Variants in TSPOAP1 observed in about 807,000 individuals in gnomAD.
The protein encoded by TSPOAP1 is peripheral-type benzodiazepine receptor-associated protein 1.
TSPOAP1 carries 87 observed loss-of-function variants against 197.0 expected under a neutral mutation model. The ratio of observed to expected loss-of-function variants is 0.44; its 90% confidence interval spans 0.37 to 0.53. The LOEUF is 0.53. Ranked by LOEUF, TSPOAP1 falls within the 20% of genes least tolerant of loss-of-function variation. The pLI is 0.00. For synonymous variants in TSPOAP1, 913 were observed against 998.9 expected (o/e 0.91, Z 1.62); for missense variants, 2,174 against 2,411.3 (o/e 0.90, Z 2.06).
Position 58,318,375 on chromosome 17 carries a change from C to T in TSPOAP1, c.1777G>A (p.Val593Ile), listed in dbSNP as rs1410696379. 1 of 1,614,132 alleles carries T rather than the reference C, an allele frequency of 6.2e-7. No individual in the cohort carries two copies. The highest frequency in any genetic ancestry group is 1.1e-5 in the South Asian group (1 of 91,086). The change falls in exon 14 of 32, where the codon GTC (valine) becomes ATC (isoleucine). Residue 593 changes from valine (V) to isoleucine (I), a missense_variant. Val to Ile is a conservative substitution (Grantham distance 29). This residue lies in a region of TSPOAP1 where 1,933 missense variants were observed against 2,139.0 expected (regional missense o/e 0.90). Transcript: ENST00000343736. ...SEPAPATLTG[V>I]PRRTAKKAES... The stretch of plus-strand genomic sequence containing the variant: ...GCCTTCTTGGCTGTCCTTCGAGGGA[C>T]CCCAGTGAGAGTGGCAGGGGCAGGC...
At chr17:58,307,317 G>A (rs1289746586) in intron 24 of TSPOAP1, 5 of 532,340 alleles carry the variant, frequency 9.4e-6, no homozygotes, top group Non-Finnish European at 1.7e-5. Context: ...CTATGTCTCA[G>A]GCAGTTTAAG....
In TSPOAP1 at chr17:58,310,711, C is replaced by T. The variant is rs1316545424; in HGVS notation, c.3500G>A (p.Arg1167Lys). The change falls in exon 20 of 32, where the codon AGG (arginine) becomes AAG (lysine). Residue 1167 changes from arginine (R) to lysine (K), a missense_variant. By Grantham distance (26) the Arg-to-Lys change is conservative (BLOSUM62 2). Transcript: ENST00000343736. ...ACCCAGGGTAGATGTGCTGGCTGTC[C>T]TCTCCTCTGAGGTGCCCAGCACTGC... ...GAAVLGTSEE[R>K]TASTSTLGEK... The T allele has an allele frequency of 6.2e-7, 1 of 1,612,972 alleles. No individual in the cohort carries two copies. The highest frequency in any genetic ancestry group is 8.5e-7 in the Non-Finnish European group (1 of 1,179,994).
rs1971419515 is a variant in TSPOAP1 at position 58,322,071 on chromosome 17, C to T, written c.1422+237G>A. ...GATGACCTCTAAAGTGGCTCCTCAC[C>T]CCATCCCAGTCACTTTGTCACATCA... On this transcript the variant is annotated intron_variant, in intron 10 of 31. Transcript: ENST00000343736. This position sits in a 1 kb window ranked among gnomAD's most constrained non-coding sequence, Gnocchi z 5.0. The T allele has an allele frequency of 1.9e-6, 1 of 538,802 alleles. No homozygotes were observed. The highest frequency in any genetic ancestry group is 3.3e-6 in the Non-Finnish European group (1 of 304,628). The allele number at this position is 538,802 out of a possible 1,614,324, so 33.4% of individuals were successfully genotyped here. A position where few individuals can be genotyped will look rare whatever the true frequency, so the allele number is the denominator to read the frequency against.
Position 58,326,006 on chromosome 17 carries a change from A to G in TSPOAP1, c.570+287T>C, listed in dbSNP as rs1389638737. 1.3e-5 allele frequency among the ~76,000 whole-genome samples: 2 copies of G among 152,170 alleles called. No individual in the cohort carries two copies. The highest frequency in any genetic ancestry group is 3.9e-4 in the East Asian group (2 of 5,192). The stretch of plus-strand genomic sequence containing the variant: ...CAGCTCTATACCCTGAGATGAGCTC[A>G]GCAGAAGGCTGCCGCCAGCACCAGC... On this transcript the variant is annotated intron_variant, in intron 3 of 31. Transcript: ENST00000343736. The surrounding 1 kb of genome is among the most constrained non-coding windows in gnomAD (Gnocchi z 4.7).
Position 58,305,336 on chromosome 17 carries a change from C to G in TSPOAP1, c.5433+51G>C, listed in dbSNP as rs377363761. ...AGGGTTCCTTGCCTATCCCCCTGTC[C>G]GAAGTCTGGGGGGCTGGGATATGGT... On this transcript the variant is annotated intron_variant, in intron 29 of 31. Coordinates refer to ENST00000343736, the MANE Select transcript of TSPOAP1 (RefSeq NM_004758.4). The G allele has an allele frequency of 1.2e-4, 192 of 1,598,130 alleles. 1 individual carries two copies. The South Asian group carries it at 2.1e-3, about 17-fold the overall frequency.
chr17:58,316,372 T>TA, intron 15 of TSPOAP1, 53 bp downstream of exon 15: 1 of 1,519,250 alleles, frequency 6.6e-7, no homozygotes, highest in Non-Finnish European at 9.0e-7. Flanking sequence ...GGCCCCCTCC[T>TA]ATACCCCAAA....
In TSPOAP1 at chr17:58,322,239, G is replaced by A. The variant is rs1377477866; in HGVS notation, c.1422+69C>T. 2.6e-5 allele frequency: 38 copies of A among 1,477,944 alleles called. No individual in the cohort carries two copies. The highest frequency in any genetic ancestry group is 3.3e-5 in the Non-Finnish European group (36 of 1,074,848). The allele number at this position is 1,477,944 out of a possible 1,614,324, so 91.6% of individuals were successfully genotyped here. A position where few individuals can be genotyped will look rare whatever the true frequency, so the allele number is the denominator to read the frequency against. ...GCACAGTGCCGGGCACACAGTAAAT[G>A]CTTGTGGAATGAGTGAGTGGCAAAG... On this transcript the variant is annotated intron_variant, in intron 10 of 31. Transcript: ENST00000343736. The surrounding 1 kb of genome is among the most constrained non-coding windows in gnomAD (Gnocchi z 5.0).
chr17:58,323,176 G>A, intron 7 of TSPOAP1, 122 bp downstream of exon 7: 1 of 1,467,316 alleles, frequency 6.8e-7, no homozygotes, highest in East Asian at 2.3e-5. Context: ...AAGGAAAGGA[G>A]CAGGAGGGAA....
chr17:58,318,134 A>G, intron 14 of TSPOAP1, 146 bp downstream of exon 14: 1 of 1,009,938 alleles, frequency 9.9e-7, no homozygotes, highest in Non-Finnish European at 1.4e-6. Context: ...CGCCCACAGG[A>G]GGAATCCACA....
chr17:58,318,531 TG>T, intron 13 of TSPOAP1, 79 bp from the exon 14 acceptor site: 2 of 1,416,606 alleles, frequency 1.4e-6, no homozygotes, highest in Non-Finnish European at 1.9e-6. Flanking sequence ...TTCTTGGATA[TG>T]GGGACCAGGC....
In TSPOAP1 at chr17:58,313,521, G is replaced by A. The variant is rs1299384712; in HGVS notation, c.2099-799C>T. 3.9e-5 allele frequency among the ~76,000 whole-genome samples: 6 copies of A among 151,962 alleles called. 1 individual carries two copies. Among genetic ancestry groups the A allele is most frequent in the African/African-American group, 1.5e-4 (6 of 41,358 alleles). Reference sequence around the variant, plus strand: ...AGCTACTCAGGAGCCTGAGGTGGAAGGATTGCTTGAGCCCGGGAGGCAGAA... The same window carrying A: ...AGCTACTCAGGAGCCTGAGGTGGAAAGATTGCTTGAGCCCGGGAGGCAGAA... On this transcript the variant is annotated intron_variant, in intron 16 of 31. Coordinates refer to ENST00000343736, the MANE Select transcript of TSPOAP1 (RefSeq NM_004758.4).
At chr17:58,302,658 G>A (rs1970749859) in intron 31 of TSPOAP1, 1 of 246,334 alleles carries the variant, frequency 4.1e-6, no homozygotes, top group Non-Finnish European at 7.9e-6. Flanking sequence ...ACTAAGCTGG[G>A]AGTCCCAGGG....
intron 3 of TSPOAP1, among the ~76,000 whole-genome samples, chr17:58,325,992 C>T (rs1014995867): frequency 2.0e-5 from 3 of 152,156 alleles, no homozygotes; most frequent in African/African-American, 7.2e-5. Context: ...AGCTCTATAC[C>T]CTGAGATGAG....
chr17:58,322,349 T>C lies in TSPOAP1; in HGVS notation c.1381A>G (p.Ser461Gly), dbSNP rs1208606115. Residue 461 changes from serine (S) to glycine (G), a missense_variant, in exon 10 of 32, where the codon AGC becomes GGC. Ser to Gly is a moderately conservative substitution (Grantham distance 56). Transcript: ENST00000343736. This position sits in a 1 kb window ranked among gnomAD's most constrained non-coding sequence, Gnocchi z 5.0. ...ACCTCCTCCTGCTTCTCCCGTAGGC[T>C]GAGCCGAGCCTGTTCATGCTCCACC... ...LEVEHEQARLSLREKQEEVRR... is the reference protein window; with the variant it reads ...LEVEHEQARLGLREKQEEVRR... The C allele has an allele frequency of 2.5e-6, 4 of 1,605,396 alleles. No individual in the cohort carries two copies. Among genetic ancestry groups the C allele is most frequent in the Non-Finnish European group, 3.4e-6 (4 of 1,179,958 alleles).
In TSPOAP1 at chr17:58,322,776, C is replaced by A; in HGVS notation, c.1195G>T (p.Val399Leu). 6.2e-7 allele frequency: 1 copy of A among 1,612,722 alleles called. No individual in the cohort carries two copies. Among genetic ancestry groups the A allele is most frequent in the Non-Finnish European group, 8.5e-7 (1 of 1,179,932 alleles). ...CTCAGCTCCGCATTCTCCCACTCCA[C>A]CTGGCGAGGGGGCAGTGACAGGGAG... ...LSGRATEKEQ[V>L]EWENAELRGQ... is the part of the protein sequence containing the mutation. The change falls in exon 9 of 32, where the codon GTG becomes TTG. Residue 399 changes from valine to leucine, a missense_variant and splice_region_variant. By Grantham distance (32) the Val-to-Leu change is conservative. Coordinates refer to ENST00000343736, the MANE Select transcript of TSPOAP1 (RefSeq NM_004758.4). This position sits in a 1 kb window ranked among gnomAD's most constrained non-coding sequence, Gnocchi z 5.0.
rs752107896 is a variant in TSPOAP1, at chr17:58,304,444, C to T, written c.5545-45G>A. ...AGAGGAGATGGGTTACCGACAGACC[C>T]GCACCTTCTCCGCCCGGCCACCAGG... On this transcript the variant is annotated intron_variant, in intron 30 of 31. Coordinates refer to ENST00000343736, the MANE Select transcript of TSPOAP1 (RefSeq NM_004758.4). The surrounding 1 kb of genome is among the most constrained non-coding windows in gnomAD (Gnocchi z 4.2). 1.7e-5 allele frequency: 27 copies of T among 1,549,276 alleles called. No homozygotes were observed. The highest frequency in any genetic ancestry group is 3.3e-5 in the South Asian group (3 of 89,730).
intron 24 of TSPOAP1, chr17:58,307,365 C>A: frequency 1.7e-6 from 1 of 571,720 alleles, no homozygotes; most frequent in South Asian, 2.3e-5. Flanking sequence ...CCACAAAACA[C>A]CCTGTGAGGT....
rs200146204 is a variant in TSPOAP1 at position 58,310,891 on chromosome 17, G to A, written c.3404C>T (p.Pro1135Leu). 1,031 of 1,542,068 alleles carry A rather than the reference G, an allele frequency of 6.7e-4. 2 individuals are homozygous for A. The highest frequency in any genetic ancestry group is 8.6e-4 in the Non-Finnish European group (987 of 1,149,174). ...QEPPGAPPASPSREMAKGSHE... is the reference protein window; with the variant it reads ...QEPPGAPPASLSREMAKGSHE... ...GGACCCTTTTGCCATCTCTCTGGAA[G>A]GGCTTGCAGGGGGTGCTCCTGGAGG... Residue 1135 changes from proline (P) to leucine (L), a missense_variant, in exon 19 of 32, where the codon CCT becomes CTT. Around this residue, in one of 5 missense-constraint regions of TSPOAP1, gnomAD observed 1,933 missense variants for 2,139.0 expected, o/e 0.90. Coordinates refer to ENST00000343736, the MANE Select transcript of TSPOAP1 (RefSeq NM_004758.4).
intron 13 of TSPOAP1, 70 bp from the exon 14 acceptor site, chr17:58,318,522 T>C: frequency 6.8e-7 from 1 of 1,472,142 alleles, no homozygotes; most frequent in South Asian, 1.3e-5. Flanking sequence ...GGGTGGTGCT[T>C]CTTGGATATG....
Sources: gnomAD v4.1 joint callset for allele counts (sites outside exome capture counted in the v4.1 genomes callset) on GRCh38, gnomAD v4.1.1 for gene constraint, gnomAD v4.1.1 regional missense constraint, Gnocchi (gnomAD v3.1) non-coding constraint, MANE v1.5 for transcripts, NCBI Gene and HGNC (gene_info 2026-07-23, HGNC 2026-07-21) for gene names.